The following SHTN1 variants were observed in gnomAD, a reference collection of about 807,000 sequenced individuals.
SHTN1 encodes shootin-1.
In SHTN1, 42 loss-of-function variants were observed where a neutral mutation model predicts 83.1. That is an observed-to-expected ratio of 0.51 (90% CI 0.39 to 0.65). The LOEUF (loss-of-function observed/expected upper bound fraction) is 0.65, where lower values mean the gene tolerates loss of function less well. Among genes scored for constraint, SHTN1 ranks in the 30% least tolerant of loss-of-function variants. The pLI, the probability that SHTN1 is intolerant of heterozygous loss-of-function variation, is 0.00. For synonymous variants in SHTN1, 224 were observed against 247.7 expected (o/e 0.90, Z 0.90); for missense variants, 622 against 737.8 (o/e 0.84, Z 1.82).
chr10:116,892,406 T>C (rs928369946), intron 16 of SHTN1, among the ~76,000 whole-genome samples: 7 of 152,186 alleles, frequency 4.6e-5, no homozygotes, highest in African/African-American at 1.7e-4. Context: ...TTAAGCTTCG[T>C]TTTTTAGCTT....
In SHTN1 at chr10:116,885,486, C is replaced by T. The variant is rs529511753; in HGVS notation, c.*858G>A. On this transcript the variant is annotated 3_prime_UTR_variant, in exon 17 of 17. Coordinates refer to ENST00000355371, the MANE Select transcript of SHTN1 (RefSeq NM_001127211.3). ...AACAACAAACCTGTGTAATATAGAACAGCAGTGAAGCAAGAAAAATGTGTG... is the reference window on the plus strand; with the variant it reads ...AACAACAAACCTGTGTAATATAGAATAGCAGTGAAGCAAGAAAAATGTGTG... 1 of 152,552 alleles carries T rather than the reference C, an allele frequency of 6.6e-6. No individual in the cohort carries two copies. Among genetic ancestry groups the T allele is most frequent in the Admixed American group, 6.6e-5 (1 of 15,254 alleles). 9.4% of individuals were successfully genotyped at this position (152,552 alleles called of 1,614,324 possible).
At chr10:117,037,270 T>G (rs1264584939) in intron 2 of SHTN1, among the ~76,000 whole-genome samples, 1 of 152,000 alleles carries the variant, frequency 6.6e-6, no homozygotes, top group Admixed American at 6.6e-5. Flanking sequence ...AGACTTCCCC[T>G]CCAAAGAAAA....
intron 2 of SHTN1, among the ~76,000 whole-genome samples, chr10:117,025,508 C>G (rs888380254): frequency 6.6e-6 from 1 of 152,154 alleles, no homozygotes; most frequent in Non-Finnish European, 1.5e-5. Context: ...TAGTGCTGAA[C>G]TGGGCCCAGA....
At chr10:116,965,517 A>G (rs1189459969) in intron 3 of SHTN1, among the ~76,000 whole-genome samples, 1 of 152,198 alleles carries the variant, frequency 6.6e-6, no homozygotes, top group East Asian at 1.9e-4. Context: ...ACTCCGTCTC[A>G]AAAAAAGATG....
At chr10:116,952,238 G>A (rs907502381) in intron 5 of SHTN1, among the ~76,000 whole-genome samples, 3 of 152,102 alleles carry the variant, frequency 2.0e-5, no homozygotes. Context: ...TACATTAAAT[G>A]TACCAGATCA....
At chr10:116,995,550 TCTTC>T (rs1236861185) in intron 1 of SHTN1, among the ~76,000 whole-genome samples, 2 of 152,200 alleles carry the variant, frequency 1.3e-5, no homozygotes, top group Non-Finnish European at 2.9e-5. Flanking sequence ...CATTTACTTT[TCTTC>T]CTTACTTGAT....
chr10:116,964,161 C>A lies in SHTN1; in HGVS notation c.173-3931G>T, dbSNP rs550360723. On this transcript the variant is annotated intron_variant, in intron 3 of 16. Coordinates refer to ENST00000355371, the MANE Select transcript of SHTN1 (RefSeq NM_001127211.3). ...GTGAACAGCCTTTTATGAGAATGTT[C>A]TCTGTAGTATAGAATTGCTTAGGAA... Among the ~76,000 whole-genome samples the A allele has an allele frequency of 2.6e-5, 4 of 152,258 alleles. No homozygotes were observed. The South Asian group carries it at 8.3e-4, about 32-fold the overall frequency.
At chr10:116,898,244 C>T (rs1360276724) in intron 16 of SHTN1, among the ~76,000 whole-genome samples, 1 of 151,864 alleles carries the variant, frequency 6.6e-6, no homozygotes, top group Non-Finnish European at 1.5e-5. Flanking sequence ...AAGAGAATCG[C>T]TTGAACTTGG....
At chr10:117,064,370 G>A (rs368983360) in intron 1 of SHTN1, among the ~76,000 whole-genome samples, 136 of 152,250 alleles carry the variant, frequency 8.9e-4, no homozygotes, top group African/African-American at 3.0e-3. Flanking sequence ...AGAAATGTAC[G>A]TTCAGCCAGG....
Position 116,938,840 on chromosome 10 carries a change from C to T in SHTN1, c.858+1626G>A, listed in dbSNP as rs183196536. Among the ~76,000 whole-genome samples the T allele has an allele frequency of 1.2e-3, 178 of 152,356 alleles. 1 individual carries two copies. The highest frequency in any genetic ancestry group is 4.0e-3 in the African/African-American group (165 of 41,598). ...TACAAGCCCCTGACTGGGGCTGCTGCCTCTCTTTCAGAGATGCTTTGCCCA... is the reference window on the plus strand; with the variant it reads ...TACAAGCCCCTGACTGGGGCTGCTGTCTCTCTTTCAGAGATGCTTTGCCCA... On this transcript the variant is annotated intron_variant, in intron 9 of 16. Transcript: ENST00000355371.
rs1847124770 is a variant in SHTN1 at position 116,885,096 on chromosome 10, A to G, written c.*1248T>C. Reference sequence around the variant, plus strand: ...CATGTACCTGCCTACCCACCTCTTCAAGCCTATGCTTACCACACGTGCAAA... The same window carrying G: ...CATGTACCTGCCTACCCACCTCTTCGAGCCTATGCTTACCACACGTGCAAA... On this transcript the variant is annotated 3_prime_UTR_variant, in exon 17 of 17. Coordinates refer to ENST00000355371, the MANE Select transcript of SHTN1 (RefSeq NM_001127211.3). 1 of 152,630 alleles carries G rather than the reference A, an allele frequency of 6.6e-6. No homozygotes were observed. The highest frequency in any genetic ancestry group is 1.5e-5 in the Non-Finnish European group (1 of 68,030). 9.5% of individuals were successfully genotyped at this position (152,630 alleles called of 1,614,324 possible).
At chr10:117,059,225 T>A (rs934751815) in intron 1 of SHTN1, among the ~76,000 whole-genome samples, 3 of 152,108 alleles carry the variant, frequency 2.0e-5, no homozygotes, top group African/African-American at 7.2e-5. Flanking sequence ...GGTGAGGATA[T>A]AGAGAAACTG....
At chr10:116,969,285 A>G (rs1850513468) in intron 2 of SHTN1, among the ~76,000 whole-genome samples, 1 of 152,150 alleles carries the variant, frequency 6.6e-6, no homozygotes, top group Admixed American at 6.5e-5. Context: ...TACTAAAAAT[A>G]CAAAAATTAG....
chr10:117,059,248 A>G (rs1247224743), intron 1 of SHTN1, among the ~76,000 whole-genome samples: 3 of 152,226 alleles, frequency 2.0e-5, no homozygotes, highest in Non-Finnish European at 4.4e-5. Context: ...TCACTCACAC[A>G]TTGCTGGTGA....
rs535424651 is a variant in SHTN1 at position 117,076,177 on chromosome 10, T to A, written c.-188-27667A>T. ...CAGCCTGCGCGACAAAGCAAGACCC[T>A]GTCTCAAAAAAAAAAAAAAAAAAAA... On this transcript the variant is annotated intron_variant, in intron 1 of 17. Transcript: ENST00000392901. 1.3e-3 allele frequency among the ~76,000 whole-genome samples: 104 copies of A among 80,342 alleles called. 2 individuals carry two copies. The South Asian group carries it at 0.049, about 38-fold the overall frequency. The allele number at this position is 80,342 out of a possible 152,430, so 52.7% of individuals were successfully genotyped here.
At chr10:117,120,556 T>C (rs1853908374) in intron 1 of SHTN1, among the ~76,000 whole-genome samples, 1 of 152,160 alleles carries the variant, frequency 6.6e-6, no homozygotes, top group African/African-American at 2.4e-5. Context: ...CCCCATGATG[T>C]GATTTTTACA....
intron 16 of SHTN1, among the ~76,000 whole-genome samples, chr10:116,897,128 C>G (rs191293866): frequency 2.5e-4 from 38 of 152,134 alleles, no homozygotes; most frequent in African/African-American, 8.7e-4. Flanking sequence ...TGATCAGGTA[C>G]TTCTAATGTA....
intron 2 of SHTN1, among the ~76,000 whole-genome samples, chr10:117,017,070 G>A (rs1329609833): frequency 1.3e-5 from 2 of 152,114 alleles, no homozygotes; most frequent in Non-Finnish European, 2.9e-5. Flanking sequence ...AGGTCTACAA[G>A]ATGAACCTAG....
intron 1 of SHTN1, among the ~76,000 whole-genome samples, chr10:117,071,510 A>G (rs1384068393): frequency 2.6e-5 from 4 of 152,228 alleles, no homozygotes; most frequent in African/African-American, 9.6e-5. Flanking sequence ...AAATTAGCCC[A>G]AGATCACATA....
Sources: gnomAD v4.1 joint callset for allele counts (sites outside exome capture counted in the v4.1 genomes callset) on GRCh38, gnomAD v4.1.1 for gene constraint, MANE v1.5 for transcripts, NCBI Gene and HGNC (gene_info 2026-07-23, HGNC 2026-07-21) for gene names.